The following ADGRA3 variants were observed in gnomAD, a reference collection of about 807,000 sequenced individuals.
The protein encoded by ADGRA3 is adhesion G protein-coupled receptor A3.
A neutral mutation model predicts 119.8 loss-of-function variants in ADGRA3; 56 were observed. The observed-to-expected ratio is 0.47, with a 90% CI of 0.38 to 0.58. The LOEUF is 0.58. ADGRA3 is among the 20% of genes least tolerant of loss of function. ADGRA3 has a pLI of 0.00. For missense variants in ADGRA3, 1,516 were observed against 1,649.0 expected, an observed-to-expected ratio of 0.92 and a Z score of 1.40; for synonymous variants, 607 against 623.8, an observed-to-expected ratio of 0.97 and a Z score of 0.40.
chr4:22,477,804 C>T (rs1384139685), intron 1 of ADGRA3: 2 of 152,166 alleles, frequency 1.3e-5, no homozygotes, highest in Non-Finnish European at 2.9e-5. Context: ...ATTCAGTCTA[C>T]ACATTATTTG....
rs150585639 is a variant in ADGRA3 at position 22,512,154 on chromosome 4, A to T, written c.257+3374T>A. Among the ~76,000 whole-genome samples the T allele has an allele frequency of 3.1e-3, 464 of 151,292 alleles. 3 individuals carry two copies. Among genetic ancestry groups the T allele is most frequent in the African/African-American group, 0.011 (446 of 41,260 alleles). On this transcript the variant is annotated intron_variant, in intron 1 of 18. Transcript: ENST00000334304. ...GGTCTCAAGTGATCTGCCCATCTCA[A>T]CCTCCCAAAGTACTGCGATTACAGG...
At chr4:22,486,348 T>A (rs1398084091) in intron 1 of ADGRA3, among the ~76,000 whole-genome samples, 1 of 152,202 alleles carries the variant, frequency 6.6e-6, no homozygotes, top group African/African-American at 2.4e-5. Flanking sequence ...CCTCTCTGGA[T>A]GCTAAGTGAT....
chr4:22,488,930 A>G (rs1718531654), intron 1 of ADGRA3, among the ~76,000 whole-genome samples: 1 of 152,156 alleles, frequency 6.6e-6, no homozygotes, highest in South Asian at 2.1e-4. Context: ...TAGAAAGTAG[A>G]ATAGAGGTTA....
chr4:22,460,530 A>G (rs1717406715), intron 3 of ADGRA3, among the ~76,000 whole-genome samples: 1 of 152,208 alleles, frequency 6.6e-6, no homozygotes, highest in South Asian at 2.1e-4. Flanking sequence ...TTTATCTACC[A>G]TTAGTCTCCA....
At position 22,413,339 on chromosome 4, in the gene ADGRA3, C is replaced by A. The variant is rs758572665; in HGVS notation, c.2075G>T (p.Arg692Leu). 1 of 1,614,058 alleles carries A rather than the reference C, an allele frequency of 6.2e-7. No homozygotes were observed. The change falls in exon 14 of 19, where the codon CGA (arginine) becomes CTA (leucine). Residue 692 changes from arginine (R) to leucine (L), a missense_variant. Around this residue, in one of 2 missense-constraint regions of ADGRA3, gnomAD observed 1,088 missense variants for 1,107.1 expected, o/e 0.98. Coordinates refer to ENST00000334304, the MANE Select transcript of ADGRA3 (RefSeq NM_145290.4). ...HHIPVNVTLR[R>L]IAHGADAVAA... ...AACAGCATCTGCTCCATGTGCAATTCGACGCAGTGTCACATTAACAGGGAT... is the reference window on the plus strand; with the variant it reads ...AACAGCATCTGCTCCATGTGCAATTAGACGCAGTGTCACATTAACAGGGAT...
intron 14 of ADGRA3, among the ~76,000 whole-genome samples, chr4:22,406,292 A>T (rs868298755): frequency 2.0e-5 from 3 of 152,218 alleles, no homozygotes; most frequent in Non-Finnish European, 4.4e-5. Flanking sequence ...ATGTGAGCGC[A>T]GGTATCTCTT....
chr4:22,506,961 G>GGC (rs1719259315), intron 1 of ADGRA3, among the ~76,000 whole-genome samples: 1 of 152,112 alleles, frequency 6.6e-6, no homozygotes, highest in South Asian at 2.1e-4. Flanking sequence ...TACTCGGCCA[G>GGC]GTGCAGTGGC....
intron 1 of ADGRA3, among the ~76,000 whole-genome samples, chr4:22,505,355 T>C (rs1719200014): frequency 6.6e-6 from 1 of 152,278 alleles, no homozygotes; most frequent in African/African-American, 2.4e-5. Flanking sequence ...CCGTTGCCCA[T>C]TTAGAATTTC....
At chr4:22,488,159 A>T (rs577684861) in intron 1 of ADGRA3, among the ~76,000 whole-genome samples, 1 of 152,252 alleles carries the variant, frequency 6.6e-6, no homozygotes, top group Non-Finnish European at 1.5e-5. Flanking sequence ...ACAAGGTTTT[A>T]TTGGAACCCA....
chr4:22,475,728 G>GGAAAA (rs1718018495), intron 1 of ADGRA3, among the ~76,000 whole-genome samples: 1 of 146,580 alleles, frequency 6.8e-6, no homozygotes, highest in African/African-American at 2.5e-5. Context: ...CTCCGTCTCG[G>GGAAAA]AAAAAAAAAT....
intron 2 of ADGRA3, among the ~76,000 whole-genome samples, chr4:22,465,605 T>C (rs1235534814): frequency 6.6e-6 from 1 of 152,192 alleles, no homozygotes; most frequent in Non-Finnish European, 1.5e-5. Flanking sequence ...TGAGTTGGTG[T>C]CTATCACTTA....
intron 14 of ADGRA3, among the ~76,000 whole-genome samples, chr4:22,412,054 A>T (rs1023565261): frequency 6.6e-6 from 1 of 152,098 alleles, no homozygotes; most frequent in African/African-American, 2.4e-5. Flanking sequence ...TTAAGAAAAG[A>T]AAAATTCATG....
intron 4 of ADGRA3, among the ~76,000 whole-genome samples, chr4:22,449,338 T>C (rs1490417212): frequency 4.6e-5 from 7 of 152,168 alleles, no homozygotes; most frequent in South Asian, 4.1e-4. Context: ...GTGTATGTTA[T>C]GAAGCTATCC....
At chr4:22,403,023 C>A (rs1001765598) in intron 14 of ADGRA3, among the ~76,000 whole-genome samples, 1 of 152,092 alleles carries the variant, frequency 6.6e-6, no homozygotes, top group Admixed American at 6.6e-5. Flanking sequence ...TTACACTGGA[C>A]CATCTATTTT....
At chr4:22,406,186 T>A (rs188917016) in intron 14 of ADGRA3, among the ~76,000 whole-genome samples, 149 of 152,352 alleles carry the variant, frequency 9.8e-4, no homozygotes, top group African/African-American at 3.5e-3. Context: ...TTGGTGTATA[T>A]ATACCATATT....
chr4:22,414,023 G>A, intron 12 of ADGRA3: 1 of 418,770 alleles, frequency 2.4e-6, no homozygotes, highest in Non-Finnish European at 4.2e-6. Context: ...AAACAGAAAT[G>A]CAAACTTTAA....
At chr4:22,399,364 A>C (rs1714512727) in intron 16 of ADGRA3, among the ~76,000 whole-genome samples, 1 of 151,896 alleles carries the variant, frequency 6.6e-6, no homozygotes, top group African/African-American at 2.4e-5. Context: ...TTTTAGTCAA[A>C]ATTATTTTTT....
chr4:22,428,212 A>G (rs545652875), intron 10 of ADGRA3, among the ~76,000 whole-genome samples: 18 of 152,284 alleles, frequency 1.2e-4, no homozygotes, highest in Admixed American at 3.3e-4. Context: ...AAATACTCCT[A>G]GGTTGAGATC....
intron 1 of ADGRA3, among the ~76,000 whole-genome samples, chr4:22,475,677 A>C (rs1718016048): frequency 6.6e-6 from 1 of 151,978 alleles, no homozygotes; most frequent in African/African-American, 2.4e-5. Flanking sequence ...CAGTGAGCCG[A>C]GATCGTGCCA....
Sources: gnomAD v4.1 joint callset for allele counts (sites outside exome capture counted in the v4.1 genomes callset) on GRCh38, gnomAD v4.1.1 for gene constraint, gnomAD v4.1.1 regional missense constraint, MANE v1.5 for transcripts, NCBI Gene and HGNC (gene_info 2026-07-23, HGNC 2026-07-21) for gene names.